The following C2orf80 variants were observed in gnomAD, a reference collection of about 807,000 sequenced individuals.
The protein encoded by C2orf80 is uncharacterized protein C2orf80.
In C2orf80, 28 loss-of-function variants were observed where a neutral mutation model predicts 30.2. The ratio of observed to expected loss-of-function variants is 0.93; its 90% confidence interval spans 0.69 to 1.27. C2orf80 has a LOEUF of 1.27. C2orf80 is among the 50% of genes most tolerant of loss of function. The probability of loss-of-function intolerance (pLI) is 0.00; values close to 1 mark genes in which losing one functional copy is unlikely to be tolerated. For synonymous variants in C2orf80, 80 were observed against 76.4 expected (o/e 1.05, Z -0.24); for missense variants, 220 against 231.0 (o/e 0.95, Z 0.31).
intron 4 of C2orf80, among the ~76,000 whole-genome samples, chr2:208,181,880 G>A (rs1696574052): frequency 6.6e-6 from 1 of 152,148 alleles, no homozygotes; most frequent in Non-Finnish European, 1.5e-5. Flanking sequence ...CTGAGGAAAT[G>A]GAGTCAGGAG....
intron 6 of C2orf80, among the ~76,000 whole-genome samples, chr2:208,179,236 TG>T (rs1482472643): frequency 6.6e-6 from 1 of 152,238 alleles, no homozygotes; most frequent in African/African-American, 2.4e-5. Flanking sequence ...CAAGGGCATT[TG>T]AGTCTCAGGA....
intron 8 of C2orf80, 129 bp from the exon 9 acceptor site, chr2:208,165,944 A>C (rs1695874327): frequency 5.3e-6 from 3 of 571,112 alleles, no homozygotes; most frequent in Middle Eastern, 4.7e-4. Flanking sequence ...AGATTAGATT[A>C]ATGTAATTAC....
Position 208,168,402 on chromosome 2 carries a change from G to T in C2orf80, c.573+2543C>A, listed in dbSNP as rs189090184. The T allele has an allele frequency of 1.8e-4, 54 of 301,564 alleles. No homozygotes were observed. The Middle Eastern group carries it at 2.1e-3, about 12-fold the overall frequency. The allele number at this position is 301,564 out of a possible 1,614,324, so 18.7% of individuals were successfully genotyped here. A position where few individuals can be genotyped will look rare whatever the true frequency, so the allele number is the denominator to read the frequency against. On this transcript the variant is annotated intron_variant, in intron 8 of 8. Coordinates refer to ENST00000341287, the MANE Select transcript of C2orf80 (RefSeq NM_001099334.3). Reference sequence around the variant, plus strand: ...ATTACCCAAGAGTTGGGCCGGGCGCGGTGGCTCAAGCCTGTAATCCCAGCG... The same window carrying T: ...ATTACCCAAGAGTTGGGCCGGGCGCTGTGGCTCAAGCCTGTAATCCCAGCG...
At chr2:208,183,316 A>AT (rs1279422622) in intron 3 of C2orf80, among the ~76,000 whole-genome samples, 1 of 80,304 alleles carries the variant, frequency 1.2e-5, no homozygotes, top group Admixed American at 1.4e-4. Context: ...GATTTCTGTG[A>AT]TTTGGAAAAG....
chr2:208,172,946 G>A (rs768870875), intron 6 of C2orf80, among the ~76,000 whole-genome samples: 12 of 151,776 alleles, frequency 7.9e-5, no homozygotes, highest in African/African-American at 2.2e-4. Context: ...GCAAAACCCC[G>A]CCTCTACTAA....
chr2:208,182,487 C>G (rs1696589616), intron 4 of C2orf80, among the ~76,000 whole-genome samples: 1 of 152,218 alleles, frequency 6.6e-6, no homozygotes, highest in African/African-American at 2.4e-5. Flanking sequence ...CTCACTGCAA[C>G]CTCTGCCTCC....
intron 2 of C2orf80, among the ~76,000 whole-genome samples, chr2:208,186,576 A>T (rs1013158337): frequency 6.6e-5 from 10 of 152,208 alleles, no homozygotes; most frequent in African/African-American, 2.2e-4. Context: ...TGCAATTTAG[A>T]TTCTGGGCCC....
chr2:208,189,749 C>A, intron 1 of C2orf80: 1 of 575,376 alleles, frequency 1.7e-6, no homozygotes, highest in Non-Finnish European at 3.0e-6. Context: ...GGAAAGATGT[C>A]AGCTGTCTCA....
intron 6 of C2orf80, among the ~76,000 whole-genome samples, chr2:208,177,973 C>T (rs893782991): frequency 4.6e-5 from 7 of 152,026 alleles, no homozygotes; most frequent in South Asian, 2.1e-4. Flanking sequence ...TGCACCACCA[C>T]GCCCCGCTAA....
chr2:208,182,693 G>A (rs1372951586), intron 4 of C2orf80, among the ~76,000 whole-genome samples: 5 of 152,196 alleles, frequency 3.3e-5, no homozygotes, highest in Admixed American at 2.6e-4. Flanking sequence ...GAGCCACCGC[G>A]CCCGGCCCCT....
intron 6 of C2orf80, among the ~76,000 whole-genome samples, chr2:208,177,154 AGTGTGTG>A: frequency 6.8e-6 from 1 of 147,272 alleles, no homozygotes; most frequent in East Asian, 2.0e-4. Flanking sequence ...TATTATATAT[AGTGTGTG>A]CATATATATG....
chr2:208,181,359 C>A, intron 4 of C2orf80, 54 bp from the exon 5 acceptor site: 2 of 1,178,026 alleles, frequency 1.7e-6, no homozygotes, highest in Non-Finnish European at 2.5e-6. Flanking sequence ...CTTTTTGATG[C>A]CTGCTAAGGT....
rs144627009 is a variant in C2orf80, at chr2:208,188,565, C to T, written c.-76+1388G>A. 1.8e-4 allele frequency among the ~76,000 whole-genome samples: 27 copies of T among 152,150 alleles called. No homozygotes were observed. The East Asian group carries it at 5.0e-3, about 28-fold the overall frequency. ...GGTTCAAGTGATTCTCCTGCCTCAGCCTCCCAAGTAGCTGGGACTACAGGT... is the reference window on the plus strand; with the variant it reads ...GGTTCAAGTGATTCTCCTGCCTCAGTCTCCCAAGTAGCTGGGACTACAGGT... On this transcript the variant is annotated intron_variant, in intron 1 of 8. Transcript: ENST00000341287.
chr2:208,187,110 A>ATGACTGGTATTTGGAGTG, intron 1 of C2orf80, 49 bp from the exon 2 acceptor site: 1 of 850,608 alleles, frequency 1.2e-6, no homozygotes, highest in Non-Finnish European at 1.9e-6. Flanking sequence ...CTATCACTCC[A>ATGACTGGTATTTGGAGTG]AATACCAGTC....
At chr2:208,169,890 C>T (rs1420121094) in intron 8 of C2orf80, among the ~76,000 whole-genome samples, 4 of 152,052 alleles carry the variant, frequency 2.6e-5, no homozygotes, top group Non-Finnish European at 5.9e-5. Context: ...AGAATTCAAT[C>T]AGTTCCTAAA....
At chr2:208,169,236 TG>T (rs1696012640) in intron 8 of C2orf80, among the ~76,000 whole-genome samples, 1 of 2,372 alleles carries the variant, frequency 4.2e-4, no homozygotes, top group Admixed American at 6.3e-3. Context: ...GAGATCTTTT[TG>T]TGTGTGTGTG....
At chr2:208,171,628 G>C (rs754538553) in intron 7 of C2orf80, among the ~76,000 whole-genome samples, 1 of 151,852 alleles carries the variant, frequency 6.6e-6, no homozygotes, top group East Asian at 1.9e-4. Context: ...GCTTATTTTT[G>C]TAGGGATGAA....
chr2:208,180,457 A>C (rs1436319696), intron 6 of C2orf80, among the ~76,000 whole-genome samples: 2 of 151,998 alleles, frequency 1.3e-5, no homozygotes, highest in Admixed American at 1.3e-4. Flanking sequence ...CTCAAAAAAA[A>C]AAAACAAAAC....
chr2:208,176,907 G>GTGTATACATATCTGTATACATA (rs1696327292), intron 6 of C2orf80, among the ~76,000 whole-genome samples: 12 of 10,128 alleles, frequency 1.2e-3, no homozygotes, highest in African/African-American at 2.4e-3. Context: ...ATACATATCT[G>GTGTATACATATCTGTATACATA]TGTATACATA....
Sources: allele counts gnomAD v4.1 joint callset (sites outside exome capture counted in the v4.1 genomes callset), GRCh38; gene constraint gnomAD v4.1.1; transcripts MANE v1.5; gene names NCBI Gene and HGNC (gene_info 2026-07-23, HGNC 2026-07-21).